SURF4: variants seen among roughly 807,000 people sequenced by gnomAD.
SURF4 encodes surfeit locus protein 4.
A neutral mutation model predicts 30.0 loss-of-function variants in SURF4; 3 were observed. The observed-to-expected ratio is 0.10, with a 90% CI of 0.05 to 0.26. The LOEUF is 0.26. SURF4 is among the 10% of genes least tolerant of loss of function. SURF4 has a pLI of 1.00. For synonymous variants in SURF4, 143 were observed against 139.9 expected, an observed-to-expected ratio of 1.02 and a Z score of -0.16; for missense variants, 217 against 350.8, an observed-to-expected ratio of 0.62 and a Z score of 3.05.
rs1588722316 is a variant in SURF4, at chr9:133,373,970, T to A, written c.48+1952A>T. On this transcript the variant is annotated intron_variant, in intron 1 of 5. Transcript: ENST00000371989. ...AACAGTATGTGAAGACACTGGGAAC[T>A]TTTTTTTGTCAATAGGGGAGTCTGT... Among the ~76,000 whole-genome samples the A allele has an allele frequency of 2.0e-5, 3 of 147,450 alleles. No homozygotes were observed. The Admixed American group carries it at 2.0e-4, about 10-fold the overall frequency.
intron 1 of SURF4, among the ~76,000 whole-genome samples, chr9:133,373,257 GCCT>G (rs1266313887): frequency 6.6e-6 from 1 of 152,150 alleles, no homozygotes; most frequent in Non-Finnish European, 1.5e-5. Flanking sequence ...CCCCTCAAGA[GCCT>G]TTCCAGTTCC....
At chr9:133,376,269 G>T, upstream of SURF4, 2 of 1,304,022 alleles carry the variant, frequency 1.5e-6, no homozygotes, top group Non-Finnish European at 1.9e-6. Context: ...CGCCCGCCGC[G>T]CGCAGGCCCT....
At chr9:133,370,721 T>C (rs1837455490) in intron 1 of SURF4, among the ~76,000 whole-genome samples, 1 of 152,090 alleles carries the variant, frequency 6.6e-6, no homozygotes, top group Non-Finnish European at 1.5e-5. Context: ...ACTAAGGCCA[T>C]TGCTGGTAGC....
chr9:133,361,466 C>T lies in SURF4; in HGVS notation c.*2027G>A, dbSNP rs1368831468. On this transcript the variant is annotated 3_prime_UTR_variant, in exon 6 of 6. Coordinates refer to ENST00000371989, the MANE Select transcript of SURF4 (RefSeq NM_033161.4). ...CAACGCTATAGGATCACACTGCATA[C>T]AACAAACGCCATTATTTATTTTGAT... 2 of 223,458 alleles carry T rather than the reference C, an allele frequency of 9.0e-6. No individual in the cohort carries two copies. The highest frequency in any genetic ancestry group is 1.8e-5 in the Non-Finnish European group (2 of 110,852). The allele number at this position is 223,458 out of a possible 1,614,324, so 13.8% of individuals were successfully genotyped here. A position where few individuals can be genotyped will look rare whatever the true frequency, so the allele number is the denominator to read the frequency against.
chr9:133,371,088 C>CA, intron 1 of SURF4: 1 of 985,452 alleles, frequency 1.0e-6, no homozygotes. Context: ...TGATCACTGT[C>CA]ACAGCCACCT....
rs2130130039 is a variant in SURF4, at chr9:133,366,638, C to T, written c.273G>A (p.Gln91=). The change falls in exon 3 of 6, where the codon CAG becomes CAA. Residue 91 remains glutamine, a synonymous_variant. Transcript: ENST00000371989. ...TTCCAAAGAGCCCGAAGCAGGCGTA[C>T]TGCACGAAGTTCCTGCTCAACACCA... is the stretch of plus-strand genomic sequence containing the variant. The part of the protein sequence containing the change: ...CVLVLSRNFV[Q]YACFGLFGII... 1.2e-6 allele frequency: 2 copies of T among 1,613,940 alleles called. No individual in the cohort carries two copies. Among genetic ancestry groups the T allele is most frequent in the South Asian group, 2.2e-5 (2 of 91,074 alleles).
chr9:133,375,420 C>T, intron 1 of SURF4: 1 of 985,888 alleles, frequency 1.0e-6, no homozygotes. Context: ...GGTGCTGTGG[C>T]TTCCTGTAGC....
chr9:133,376,459 C>T (rs1233391821), upstream of SURF4: 6 of 1,569,624 alleles, frequency 3.8e-6, no homozygotes, highest in African/African-American at 1.4e-5. Context: ...CGCCCGTACG[C>T]GGTCGCTACT....
intron 1 of SURF4, among the ~76,000 whole-genome samples, chr9:133,370,529 A>G (rs1413496557): frequency 1.3e-5 from 2 of 152,224 alleles, no homozygotes; most frequent in Non-Finnish European, 2.9e-5. Flanking sequence ...AAGGCCCAAC[A>G]TTAACCTTAT....
intron 1 of SURF4, among the ~76,000 whole-genome samples, chr9:133,374,851 G>A (rs1363418324): frequency 6.6e-6 from 1 of 151,852 alleles, no homozygotes; most frequent in Non-Finnish European, 1.5e-5. Flanking sequence ...ATAAGTCTAG[G>A]CCTCAGAGTT....
chr9:133,372,655 T>C (rs1266137921), intron 1 of SURF4: 2 of 985,272 alleles, frequency 2.0e-6, no homozygotes, highest in Non-Finnish European at 2.4e-6. Flanking sequence ...TCTTGTTTTC[T>C]GAAGATGTGA....
chr9:133,373,881 A>ACAC (rs980915010), intron 1 of SURF4, among the ~76,000 whole-genome samples: 1 of 137,820 alleles, frequency 7.3e-6, no homozygotes, highest in Non-Finnish European at 1.5e-5. Flanking sequence ...TCGCACCATT[A>ACAC]CACTCCAGCC....
chr9:133,375,555 C>A (rs1347659486), intron 1 of SURF4, among the ~76,000 whole-genome samples: 1 of 152,216 alleles, frequency 6.6e-6, no homozygotes, highest in African/African-American at 2.4e-5. Context: ...CCCCCAGCAG[C>A]TCCAAACGCC....
intron 1 of SURF4, chr9:133,371,181 C>T (rs1218887507): frequency 6.2e-6 from 6 of 968,678 alleles, no homozygotes; most frequent in Non-Finnish European, 7.4e-6. Context: ...CTTGCAAATT[C>T]GTGGTGAATG....
chr9:133,370,795 C>A (rs1436521553), intron 1 of SURF4: 4 of 1,098,676 alleles, frequency 3.6e-6, no homozygotes, highest in Admixed American at 2.3e-5. Flanking sequence ...CCCCCTCCCC[C>A]CCATTAGAGA....
intron 1 of SURF4, chr9:133,370,962 G>A (rs782457338): frequency 1.6e-6 from 2 of 1,289,326 alleles, no homozygotes; most frequent in African/African-American, 1.5e-5. Context: ...GCATCTGAGG[G>A]GCTTAACAGG....
Position 133,363,744 on chromosome 9 carries a change from C to T in SURF4, c.559G>A (p.Val187Met). ...ACTAAAATCATCAGAGCTGTGCCCACGATGTTCTGGACAATCTGCATAGGT... is the reference window on the plus strand; with the variant it reads ...ACTAAAATCATCAGAGCTGTGCCCATGATGTTCTGGACAATCTGCATAGGT... ...ASFFSIVQNIVGTALMILVAI... is the reference protein window; with the variant it reads ...ASFFSIVQNIMGTALMILVAI... Residue 187 changes from valine (V) to methionine (M), a missense_variant, in exon 6 of 6, where the codon GTG becomes ATG. Physicochemically the swap from Val to Met is conservative, Grantham distance 21 (BLOSUM62 1). Coordinates refer to ENST00000371989, the MANE Select transcript of SURF4 (RefSeq NM_033161.4). This position sits in a 1 kb window ranked among gnomAD's most constrained non-coding sequence, Gnocchi z 4.3. The T allele has an allele frequency of 3.7e-6, 6 of 1,614,126 alleles. No homozygotes were observed. The highest frequency in any genetic ancestry group is 5.1e-6 in the Non-Finnish European group (6 of 1,180,030).
intron 1 of SURF4, chr9:133,371,241 G>GAGTT: frequency 1.7e-6 from 1 of 586,790 alleles, no homozygotes; most frequent in Non-Finnish European, 2.1e-6. Context: ...ACCAAGGACT[G>GAGTT]GGGCTGCCTT....
chr9:133,374,905 A>G (rs1837777509), intron 1 of SURF4, among the ~76,000 whole-genome samples: 1 of 152,208 alleles, frequency 6.6e-6, no homozygotes, highest in East Asian at 1.9e-4. Context: ...AAATTTAACC[A>G]TCACTACTTA....
Sources: allele counts gnomAD v4.1 joint callset (sites outside exome capture counted in the v4.1 genomes callset), GRCh38; gene constraint gnomAD v4.1.1; non-coding constraint Gnocchi (gnomAD v3.1); transcripts MANE v1.5; gene names NCBI Gene and HGNC (gene_info 2026-07-23, HGNC 2026-07-21).